Variants in BTBD9 observed in about 807,000 individuals in gnomAD.
BTBD9 encodes the protein BTB domain containing 9.
BTBD9 carries 49 observed loss-of-function variants against 64.3 expected under a neutral mutation model. The observed-to-expected ratio is 0.76, with a 90% CI of 0.61 to 0.97. The LOEUF is 0.97. Among genes scored for constraint, BTBD9 ranks in the 50% least tolerant of loss-of-function variants. The pLI, the probability that BTBD9 is intolerant of heterozygous loss-of-function variation, is 0.00. For missense variants in BTBD9, 598 were observed against 762.1 expected (o/e 0.78, Z 2.53); for synonymous variants, 260 against 274.7 (o/e 0.95, Z 0.53).
intron 6 of BTBD9, among the ~76,000 whole-genome samples, chr6:38,512,298 G>GGATA (rs1194477285): frequency 6.6e-6 from 1 of 152,034 alleles, no homozygotes; most frequent in African/African-American, 2.4e-5. Context: ...AAAAGGAAAG[G>GGATA]GATACTACAG....
rs1014148125 is a variant in BTBD9 at position 38,184,384 on chromosome 6, T to C, written c.1641+8135A>G. Reference sequence around the variant, plus strand: ...AACCTAAGTTTGTTTCCATTATTTCTATTCCCAAGCAGGTTTTCTTTGTGG... The same window carrying C: ...AACCTAAGTTTGTTTCCATTATTTCCATTCCCAAGCAGGTTTTCTTTGTGG... On this transcript the variant is annotated intron_variant, in intron 10 of 10. Transcript: ENST00000481247. This position sits in a 1 kb window ranked among gnomAD's most constrained non-coding sequence, Gnocchi z 4.4. 6.6e-6 allele frequency among the ~76,000 whole-genome samples: 1 copy of C among 152,206 alleles called. No homozygotes were observed. The highest frequency in any genetic ancestry group is 1.5e-5 in the Non-Finnish European group (1 of 68,022).
intron 6 of BTBD9, among the ~76,000 whole-genome samples, chr6:38,488,130 A>C (rs542347188): frequency 2.0e-5 from 3 of 151,798 alleles, no homozygotes; most frequent in Non-Finnish European, 2.9e-5. Flanking sequence ...CTAATTTTTA[A>C]ATTTTTTGTA....
intron 5 of BTBD9, among the ~76,000 whole-genome samples, chr6:38,578,076 G>T (rs1483232221): frequency 6.6e-6 from 1 of 152,166 alleles, no homozygotes; most frequent in East Asian, 1.9e-4. Context: ...CATATTAGAA[G>T]ATAAATGATG....
At chr6:38,288,796 G>T (rs1004584353) in intron 7 of BTBD9, among the ~76,000 whole-genome samples, 1 of 151,094 alleles carries the variant, frequency 6.6e-6, no homozygotes, top group East Asian at 2.0e-4. Flanking sequence ...GCGTGGTGGC[G>T]TGTGCCTGTA....
At chr6:38,381,882 T>C (rs894668596) in intron 6 of BTBD9, among the ~76,000 whole-genome samples, 1 of 152,004 alleles carries the variant, frequency 6.6e-6, no homozygotes, top group Non-Finnish European at 1.5e-5. Context: ...AAAAAATAAG[T>C]AATGGAAATT....
intron 8 of BTBD9, among the ~76,000 whole-genome samples, chr6:38,277,633 C>T (rs1333632914): frequency 6.6e-6 from 1 of 152,074 alleles, no homozygotes; most frequent in African/African-American, 2.4e-5. Flanking sequence ...CATGCCCAGC[C>T]AGCTACAGAA....
intron 6 of BTBD9, among the ~76,000 whole-genome samples, chr6:38,409,298 G>A (rs116715267): frequency 3.9e-4 from 59 of 152,244 alleles, no homozygotes; most frequent in African/African-American, 1.3e-3. Context: ...ACAACATAAT[G>A]TGAATTAACT....
intron 6 of BTBD9, among the ~76,000 whole-genome samples, chr6:38,415,986 A>G (rs1473954166): frequency 1.3e-5 from 2 of 152,234 alleles, no homozygotes; most frequent in African/African-American, 4.8e-5. Flanking sequence ...GGCCAGAACC[A>G]GACAGATTGG....
At chr6:38,227,115 T>C (rs971903354) in intron 9 of BTBD9, among the ~76,000 whole-genome samples, 8 of 152,202 alleles carry the variant, frequency 5.3e-5, no homozygotes, top group African/African-American at 1.7e-4. Context: ...CAAGTCCCCT[T>C]AGTGCGAAGT....
intron 7 of BTBD9, among the ~76,000 whole-genome samples, chr6:38,295,275 C>T (rs1036686906): frequency 3.3e-5 from 5 of 152,150 alleles, no homozygotes; most frequent in Non-Finnish European, 7.3e-5. Context: ...AGCAATCCTC[C>T]TGCCTCAGCC....
chr6:38,545,398 A>G (rs2748156), intron 6 of BTBD9, among the ~76,000 whole-genome samples: 53,889 of 151,998 alleles, frequency 0.35, 10,139 homozygotes, highest in African/African-American at 0.49. Context: ...CTTATGTTTA[A>G]AAAGGAACAA....
chr6:38,617,312 C>T (rs924210260), intron 1 of BTBD9, among the ~76,000 whole-genome samples: 4 of 152,150 alleles, frequency 2.6e-5, no homozygotes, highest in African/African-American at 9.7e-5. Context: ...ATCACCCAAG[C>T]GAGACTTGCC....
chr6:38,298,159 C>G (rs1306096185), intron 7 of BTBD9, among the ~76,000 whole-genome samples: 1 of 151,998 alleles, frequency 6.6e-6, no homozygotes, highest in Non-Finnish European at 1.5e-5. Context: ...CTGGCCTCTG[C>G]TCCAGTTTTC....
At chr6:38,220,960 A>G (rs1158963195) in intron 9 of BTBD9, among the ~76,000 whole-genome samples, 7 of 152,224 alleles carry the variant, frequency 4.6e-5, no homozygotes, top group African/African-American at 1.7e-4. Context: ...GAATGCAGTA[A>G]ATAAACAGGC....
intron 10 of BTBD9, among the ~76,000 whole-genome samples, chr6:38,179,172 A>G (rs1271268315): frequency 6.6e-6 from 1 of 152,230 alleles, no homozygotes; most frequent in East Asian, 1.9e-4. Context: ...TTAAAAACTA[A>G]TATTTCTTAA....
At chr6:38,558,430 T>C (rs1004634767) in intron 6 of BTBD9, among the ~76,000 whole-genome samples, 14 of 152,216 alleles carry the variant, frequency 9.2e-5, no homozygotes, top group African/African-American at 3.4e-4. Context: ...CCTTCAGTAC[T>C]ATGTTGAATA....
intron 7 of BTBD9, among the ~76,000 whole-genome samples, chr6:38,305,973 T>G (rs1221895423): frequency 1.3e-5 from 2 of 152,196 alleles, no homozygotes; most frequent in Non-Finnish European, 2.9e-5. Flanking sequence ...AACACAAACC[T>G]CAGCCTACCT....
At chr6:38,498,806 A>C (rs556256139) in intron 6 of BTBD9, among the ~76,000 whole-genome samples, 1 of 152,326 alleles carries the variant, frequency 6.6e-6, no homozygotes, top group African/African-American at 2.4e-5. Flanking sequence ...ACCCCAGTTG[A>C]TACTGAGGCA....
At chr6:38,261,750 C>A (rs1418100129) in intron 8 of BTBD9, among the ~76,000 whole-genome samples, 1 of 152,200 alleles carries the variant, frequency 6.6e-6, no homozygotes, top group Admixed American at 6.5e-5. Context: ...AGTGCTCATA[C>A]TGGTTGAGAC....
Sources: allele counts gnomAD v4.1 joint callset (sites outside exome capture counted in the v4.1 genomes callset), GRCh38; gene constraint gnomAD v4.1.1; non-coding constraint Gnocchi (gnomAD v3.1); transcripts MANE v1.5; gene names NCBI Gene and HGNC (gene_info 2026-07-23, HGNC 2026-07-21).